The following ZNF266 variants were observed in gnomAD, a reference collection of about 807,000 sequenced individuals.
ZNF266 encodes the protein zinc finger protein 266, also known as zinc finger protein 1.
In ZNF266, 16 loss-of-function variants were observed where a neutral mutation model predicts 16.4. That is an observed-to-expected ratio of 0.98 (90% CI 0.66 to 1.48). The LOEUF is 1.48. Ranked by LOEUF, ZNF266 falls within the 40% of genes most tolerant of loss-of-function variation. The pLI, the probability that ZNF266 is intolerant of heterozygous loss-of-function variation, is 0.00. For synonymous variants in ZNF266, 262 were observed against 237.9 expected, an observed-to-expected ratio of 1.10 and a Z score of -0.93; for missense variants, 738 against 689.1, an observed-to-expected ratio of 1.07 and a Z score of -0.79.
intron 5 of ZNF266, among the ~76,000 whole-genome samples, chr19:9,421,216 C>T (rs2069829235): frequency 6.6e-6 from 1 of 152,112 alleles, no homozygotes; most frequent in South Asian, 2.1e-4. Flanking sequence ...ACGCTACAGC[C>T]TTTATTCTAT....
chr19:9,414,134 C>T lies in ZNF266; in HGVS notation c.992G>A (p.Gly331Glu). ...ATCCTTACATTTATAAGGTTTCTCT[C>T]CAGTGTGAGTTTTTCTGTGCTGAGT... ...QLTQHRKTHT[G>E]EKPYKCKDCG... Residue 331 changes from glycine to glutamate, a missense_variant, in exon 11 of 11, where the codon GGA becomes GAA. By Grantham distance (98) the Gly-to-Glu change is moderately conservative. Transcript: ENST00000592904. 1 of 1,613,928 alleles carries T rather than the reference C, an allele frequency of 6.2e-7. No individual in the cohort carries two copies.
At chr19:9,420,972 T>C (rs1475502783) in intron 5 of ZNF266, among the ~76,000 whole-genome samples, 3 of 152,124 alleles carry the variant, frequency 2.0e-5, no homozygotes, top group Non-Finnish European at 4.4e-5. Flanking sequence ...TACCCACATG[T>C]GTTATTGAAC....
At chr19:9,431,210 G>T (rs544246892) in intron 5 of ZNF266, among the ~76,000 whole-genome samples, 1 of 152,118 alleles carries the variant, frequency 6.6e-6, no homozygotes, top group African/African-American at 2.4e-5. Context: ...AGCAGTGTGG[G>T]TGTGAGGGCA....
rs571156135 is a variant in ZNF266 at position 9,416,951 on chromosome 19, G to A, written c.316+877C>T. 1.1e-4 allele frequency among the ~76,000 whole-genome samples: 17 copies of A among 152,052 alleles called. No homozygotes were observed. In the East Asian group the frequency reaches 1.4e-3, roughly 12 times the overall value. On this transcript the variant is annotated intron_variant, in intron 9 of 10. Transcript: ENST00000592904. The stretch of plus-strand genomic sequence containing the variant: ...CTCCCAAAGTGCTGAGATTATAGGC[G>A]TGAGCCACCACACCTGGCCCAAAAC...
In ZNF266 at chr19:9,415,692, C is replaced by A. The variant is rs1335999087; in HGVS notation, c.367G>T (p.Asp123Tyr). The A allele has an allele frequency of 1.9e-6, 3 of 1,613,382 alleles. No homozygotes were observed. Among genetic ancestry groups the A allele is most frequent in the Non-Finnish European group, 2.5e-6 (3 of 1,179,482 alleles). ...LKTKELALQQ[D>Y]VLGEPTSSGI... Reference sequence around the variant, plus strand: ...CTGGAGGTTGGCTCCCCCAAAACATCCTGCTGAAGGGCTAACTCTTTGGTT... The same window carrying A: ...CTGGAGGTTGGCTCCCCCAAAACATACTGCTGAAGGGCTAACTCTTTGGTT... The change falls in exon 10 of 11, where the codon GAT (aspartate) becomes TAT (tyrosine). Residue 123 changes from aspartate to tyrosine, a missense_variant. Physicochemically the swap from Asp to Tyr is radical, Grantham distance 160. Transcript: ENST00000592904.
chr19:9,417,681 G>T lies in ZNF266; in HGVS notation c.316+147C>A, dbSNP rs557516397. On this transcript the variant is annotated intron_variant, in intron 9 of 10. Transcript: ENST00000592904. ...GAGAATCGCTTGCACCTGCGAGGCG[G>T]AGGTTGCAGTGAGCTGAGACTGTGC... 385 of 557,278 alleles carry T rather than the reference G, an allele frequency of 6.9e-4. 1 individual carries two copies. The highest frequency in any genetic ancestry group is 6.5e-3 in the African/African-American group (351 of 54,070). The allele number at this position is 557,278 out of a possible 1,614,324, so 34.5% of individuals were successfully genotyped here. A position where few individuals can be genotyped will look rare whatever the true frequency, so the allele number is the denominator to read the frequency against.
chr19:9,413,565 GATT>G lies in ZNF266; in HGVS notation c.1558_1560del (p.Asn520del), dbSNP rs752357635. On this transcript the variant is annotated inframe_deletion, in exon 11 of 11. Transcript: ENST00000592904. ...TTTTTGGCGCTGTGGGTCCGCATGTGATTATTAAGACTGGAGGAATGCGTAAAT... is the reference window on the plus strand; with the variant it reads ...TTTTTGGCGCTGTGGGTCCGCATGTGATTAAGACTGGAGGAATGCGTAAAT... 208 of 1,614,032 alleles carry G rather than the reference GATT, an allele frequency of 1.3e-4. No individual in the cohort carries two copies. The Admixed American group carries it at 2.5e-3, about 19-fold the overall frequency.
In ZNF266 at chr19:9,420,116, T is replaced by TTCAAAGCCCCC; in HGVS notation, c.-28_-27insGGGGGCTTTGA. The TTCAAAGCCCCC allele has an allele frequency of 6.5e-6, 1 of 152,896 alleles. No homozygotes were observed. The highest frequency in any genetic ancestry group is 2.4e-5 in the African/African-American group (1 of 41,560). The allele number at this position is 152,896 out of a possible 1,614,324, so 9.5% of individuals were successfully genotyped here. A position where few individuals can be genotyped will look rare whatever the true frequency, so the allele number is the denominator to read the frequency against. On this transcript the variant is annotated 5_prime_UTR_variant, in exon 6 of 11. Transcript: ENST00000592904. Reference sequence around the variant, plus strand: ...CCACAGGGCTGATGGCTGAATGTGCTTCAAAGCACCTTTCCTTTACTCCAA... The same window carrying TTCAAAGCCCCC: ...CCACAGGGCTGATGGCTGAATGTGCTTCAAAGCCCCCTCAAAGCACCTTTCCTTTACTCCAA...
rs760016014 is a variant in ZNF266, at chr19:9,415,686, A to G, written c.373T>C (p.Leu125=). ...TKELALQQDV[L]GEPTSSGIQM... ...ATCCCACTGGAGGTTGGCTCCCCCAAAACATCCTGCTGAAGGGCTAACTCT... is the reference window on the plus strand; with the variant it reads ...ATCCCACTGGAGGTTGGCTCCCCCAGAACATCCTGCTGAAGGGCTAACTCT... The change falls in exon 10 of 11, where the codon TTG becomes CTG. Residue 125 remains leucine (L), a synonymous_variant. Transcript: ENST00000592904. 5 of 1,613,190 alleles carry G rather than the reference A, an allele frequency of 3.1e-6. No homozygotes were observed. Among genetic ancestry groups the G allele is most frequent in the Admixed American group, 3.3e-5 (2 of 59,986 alleles).
At chr19:9,424,665 T>A (rs1480299410) in intron 5 of ZNF266, among the ~76,000 whole-genome samples, 7 of 152,248 alleles carry the variant, frequency 4.6e-5, no homozygotes, top group Admixed American at 3.3e-4. Context: ...AAATGAACCA[T>A]TTACTTCTAT....
chr19:9,417,579 T>G (rs1051036211), intron 9 of ZNF266, among the ~76,000 whole-genome samples: 2 of 151,856 alleles, frequency 1.3e-5, no homozygotes, highest in Admixed American at 1.3e-4. Context: ...ATACAAAAAT[T>G]AGCCAGGCAT....
intron 5 of ZNF266, among the ~76,000 whole-genome samples, chr19:9,430,964 A>G (rs10404268): frequency 0.56 from 85,624 of 151,938 alleles, 24,345 homozygotes; most frequent in Middle Eastern, 0.63. Context: ...GCGGATCTGT[A>G]AGGAATAAAA....
rs1599413606 is a variant in ZNF266 at position 9,412,492 on chromosome 19, A to G, written c.*783T>C. 1 of 152,262 alleles carries G rather than the reference A, an allele frequency of 6.6e-6. No homozygotes were observed. Among genetic ancestry groups the G allele is most frequent in the Admixed American group, 6.5e-5 (1 of 15,284 alleles). 9.4% of individuals were successfully genotyped at this position (152,262 alleles called of 1,614,324 possible). A position where few individuals can be genotyped will look rare whatever the true frequency, so the allele number is the denominator to read the frequency against. ...AAAAATTTGTGTTGGTCTGCATTCA[A>G]AGCCATCCTGGCCTGCGGGTTGGAC... On this transcript the variant is annotated 3_prime_UTR_variant, in exon 11 of 11. Coordinates refer to ENST00000592904, the MANE Select transcript of ZNF266 (RefSeq NM_001370374.1).
chr19:9,414,793 A>T, intron 10 of ZNF266, 73 bp from the exon 11 acceptor site: 1 of 1,417,780 alleles, frequency 7.1e-7, no homozygotes, highest in Non-Finnish European at 9.4e-7. Flanking sequence ...ATCTGAAGAG[A>T]GGAACACTGT....
Position 9,414,264 on chromosome 19 carries a change from A to G in ZNF266, c.862T>C (p.Phe288Leu). ...PYKCKECGKG[F>L]RYSAYLNIHM... Reference sequence around the variant, plus strand: ...ATATTAAGGTATGCAGAATATCTAAATCCTTTTCCACATTCCTTACATTTG... The same window carrying G: ...ATATTAAGGTATGCAGAATATCTAAGTCCTTTTCCACATTCCTTACATTTG... The change falls in exon 11 of 11, where the codon TTT becomes CTT. Residue 288 changes from phenylalanine to leucine, a missense_variant. Coordinates refer to ENST00000592904, the MANE Select transcript of ZNF266 (RefSeq NM_001370374.1). 1 of 1,614,168 alleles carries G rather than the reference A, an allele frequency of 6.2e-7. No homozygotes were observed. The highest frequency in any genetic ancestry group is 8.5e-7 in the Non-Finnish European group (1 of 1,180,034).
At chr19:9,429,740 T>C (rs1325748395) in intron 5 of ZNF266, among the ~76,000 whole-genome samples, 1 of 152,182 alleles carries the variant, frequency 6.6e-6, no homozygotes, top group Non-Finnish European at 1.5e-5. Context: ...CGTACTTGCA[T>C]TCTGCTCAAA....
chr19:9,414,446 T>G lies in ZNF266; in HGVS notation c.680A>C (p.Asp227Ala). 6.2e-7 allele frequency: 1 copy of G among 1,614,158 alleles called. No individual in the cohort carries two copies. The highest frequency in any genetic ancestry group is 8.5e-7 in the Non-Finnish European group (1 of 1,180,042). The change falls in exon 11 of 11, where the codon GAC becomes GCC. Residue 227 changes from aspartate (D) to alanine (A), a missense_variant. Transcript: ENST00000592904. Reference protein sequence around the residue: ...CTGEKAFDCSDSGKSFINHSH... With the variant: ...CTGEKAFDCSASGKSFINHSH... ...ATGATTAATGAAGGATTTCCCAGAG[T>G]CACTGCAATCAAAAGCTTTCTCTCC...
Position 9,415,742 on chromosome 19 carries a change from G to A in ZNF266, c.317C>T (p.Ala106Val). 1 of 1,611,836 alleles carries A rather than the reference G, an allele frequency of 6.2e-7. No individual in the cohort carries two copies. The highest frequency in any genetic ancestry group is 1.3e-5 in the African/African-American group (1 of 74,994). ...TTTAAGTTGCACTTTCCATTCTGAAGCTGAAGAGAAAAAGAAATGTAAGGG... is the reference window on the plus strand; with the variant it reads ...TTTAAGTTGCACTTTCCATTCTGAAACTGAAGAGAAAAAGAAATGTAAGGG... ...SRTVQRGDFQ[A>V]SEWKVQLKTK... Residue 106 changes from alanine to valine, a missense_variant and splice_region_variant, in exon 10 of 11, where the codon GCT becomes GTT. Coordinates refer to ENST00000592904, the MANE Select transcript of ZNF266 (RefSeq NM_001370374.1).
intron 5 of ZNF266, among the ~76,000 whole-genome samples, chr19:9,432,368 A>G (rs970494418): frequency 6.6e-6 from 1 of 152,114 alleles, no homozygotes; most frequent in African/African-American, 2.4e-5. Context: ...TTGCCAATAC[A>G]CTCTCCAAAA....
Sources: allele counts gnomAD v4.1 joint callset (sites outside exome capture counted in the v4.1 genomes callset), GRCh38; gene constraint gnomAD v4.1.1; transcripts MANE v1.5; gene names NCBI Gene and HGNC (gene_info 2026-07-23, HGNC 2026-07-21).